Variants in PARD3 observed in about 807,000 individuals in gnomAD.
PARD3 encodes the protein partitioning defective 3 homolog.
Under a neutral mutation model 155.4 loss-of-function variants are expected in PARD3, and 75 were observed. The observed-to-expected ratio is 0.48, with a 90% CI of 0.40 to 0.58. PARD3 has a LOEUF of 0.58. Ranked by LOEUF, PARD3 falls within the 20% of genes least tolerant of loss-of-function variation. PARD3 has a pLI of 0.00. For synonymous variants in PARD3, 576 were observed against 610.5 expected, an observed-to-expected ratio of 0.94 and a Z score of 0.83; for missense variants, 1,642 against 1,721.7, an observed-to-expected ratio of 0.95 and a Z score of 0.82.
chr10:34,352,730 C>A (rs1838257839), intron 14 of PARD3, among the ~76,000 whole-genome samples: 1 of 152,214 alleles, frequency 6.6e-6, no homozygotes, highest in African/African-American at 2.4e-5. Context: ...CTTGGCCTCC[C>A]AAAGTGCCGA....
At chr10:34,416,005 C>G (rs1310953169) in intron 5 of PARD3, among the ~76,000 whole-genome samples, 1 of 152,202 alleles carries the variant, frequency 6.6e-6, no homozygotes, top group African/African-American at 2.4e-5. Context: ...GCACTATACA[C>G]ACGCTGTTCC....
At chr10:34,229,846 C>A (rs1315667716) in intron 22 of PARD3, among the ~76,000 whole-genome samples, 1 of 152,044 alleles carries the variant, frequency 6.6e-6, no homozygotes, top group Non-Finnish European at 1.5e-5. Flanking sequence ...GCTGATGCAA[C>A]AAAGAAACAT....
chr10:34,281,893 T>C (rs1464845825), intron 21 of PARD3, among the ~76,000 whole-genome samples: 1 of 152,114 alleles, frequency 6.6e-6, no homozygotes, highest in African/African-American at 2.4e-5. Flanking sequence ...CAGTGGTAAA[T>C]AATATCCCGA....
At chr10:34,671,764 T>G (rs533378699) in intron 2 of PARD3, among the ~76,000 whole-genome samples, 4 of 152,206 alleles carry the variant, frequency 2.6e-5, no homozygotes, top group African/African-American at 9.6e-5. Context: ...GCATTAACTG[T>G]ACAATCTGTA....
chr10:34,693,140 C>T (rs181647842), intron 2 of PARD3, among the ~76,000 whole-genome samples: 3 of 152,266 alleles, frequency 2.0e-5, no homozygotes, highest in East Asian at 1.9e-4. Context: ...AATGTTTATA[C>T]GCTGCTGGTG....
intron 1 of PARD3, among the ~76,000 whole-genome samples, chr10:34,783,604 C>CAAAA (rs35411933): frequency 2.2e-3 from 166 of 76,202 alleles, no homozygotes; most frequent in East Asian, 5.2e-3. Flanking sequence ...ACTCCGTCTT[C>CAAAA]AAAAAAAAAA....
chr10:34,293,832 T>C (rs1172838535), intron 20 of PARD3, among the ~76,000 whole-genome samples: 3 of 152,136 alleles, frequency 2.0e-5, no homozygotes, highest in South Asian at 4.1e-4. Flanking sequence ...ATTTGAACAT[T>C]TCTATTAAGC....
chr10:34,167,534 A>C (rs1278632724), intron 22 of PARD3, among the ~76,000 whole-genome samples: 2 of 152,038 alleles, frequency 1.3e-5, no homozygotes, highest in Non-Finnish European at 2.9e-5. Flanking sequence ...AAGCCCCCAA[A>C]ACCCTCAAGT....
chr10:34,370,042 T>C (rs1840421842), intron 12 of PARD3, among the ~76,000 whole-genome samples: 1 of 152,200 alleles, frequency 6.6e-6, no homozygotes, highest in Non-Finnish European at 1.5e-5. Context: ...TCTTAAATTA[T>C]CATGTTAATA....
intron 22 of PARD3, among the ~76,000 whole-genome samples, chr10:34,169,000 T>C (rs1347017980): frequency 6.6e-6 from 1 of 152,228 alleles, no homozygotes; most frequent in Non-Finnish European, 1.5e-5. Context: ...GAGTACAGAA[T>C]CTTCTCTGCT....
At chr10:34,594,212 C>T (rs757742505) in intron 2 of PARD3, among the ~76,000 whole-genome samples, 26 of 152,150 alleles carry the variant, frequency 1.7e-4, no homozygotes, top group Non-Finnish European at 3.2e-4. Context: ...ACTTTCTGTT[C>T]AACCTAAGCA....
chr10:34,149,101 T>C lies in PARD3; in HGVS notation c.3420-17518A>G, dbSNP rs376319253. 5.3e-3 allele frequency among the ~76,000 whole-genome samples: 810 copies of C among 152,240 alleles called. 7 individuals carry two copies. The highest frequency in any genetic ancestry group is 0.019 in the African/African-American group (774 of 41,570). The stretch of plus-strand genomic sequence containing the variant: ...ATTCTGAAAAGCTGAATCTTATAAT[T>C]GATTAAAAATGGTGATGGTATGTAT... On this transcript the variant is annotated intron_variant, in intron 22 of 24. Transcript: ENST00000374788.
rs115979094 is a variant in PARD3, at chr10:34,294,271, C to T, written c.3066-10026G>A. ...TTAAATATGCATTGTGATTCAAATT[C>T]TATGTTTCAACTACTGACAGGAAGT... is the stretch of plus-strand genomic sequence containing the variant. On this transcript the variant is annotated intron_variant, in intron 20 of 24. Transcript: ENST00000374788. 5.3e-3 allele frequency among the ~76,000 whole-genome samples: 814 copies of T among 152,318 alleles called. 5 individuals are homozygous for T. Among genetic ancestry groups the T allele is most frequent in the African/African-American group, 0.018 (769 of 41,580 alleles).
intron 4 of PARD3, 99 bp from the exon 5 acceptor site, chr10:34,450,547 A>T (rs2077000577): frequency 8.9e-7 from 1 of 1,126,990 alleles, no homozygotes; most frequent in Non-Finnish European, 1.3e-6. Flanking sequence ...ATGATTCTAC[A>T]TATTTAAAAC....
At chr10:34,177,595 T>A (rs1950090495) in intron 22 of PARD3, among the ~76,000 whole-genome samples, 1 of 152,214 alleles carries the variant, frequency 6.6e-6, no homozygotes, top group Admixed American at 6.5e-5. Flanking sequence ...GTCTGACCTT[T>A]CCTTGATATC....
Position 34,110,937 on chromosome 10 carries a change from A to T in PARD3, c.*232T>A. The T allele has an allele frequency of 4.4e-6, 2 of 449,828 alleles. No homozygotes were observed. Among genetic ancestry groups the T allele is most frequent in the Non-Finnish European group, 7.8e-6 (2 of 256,204 alleles). 27.9% of individuals were successfully genotyped at this position (449,828 alleles called of 1,614,324 possible). On this transcript the variant is annotated 3_prime_UTR_variant, in exon 25 of 25. Transcript: ENST00000374788. ...GAGGCGCAGAGCATATGAACACCTC[A>T]AACAGATGATTGTCACAGGGTGGGA...
In PARD3 at chr10:34,321,862, T is replaced by C. The variant is rs545079756; in HGVS notation, c.2834-4524A>G. On this transcript the variant is annotated intron_variant, in intron 19 of 24. Coordinates refer to ENST00000374788, the MANE Select transcript of PARD3 (RefSeq NM_001184785.2). ...TTTGGGTTTTCATTGAAGTGCAAAG[T>C]TCTGCAGCTACTGCCATAAATAATC... is the stretch of plus-strand genomic sequence containing the variant. Among the ~76,000 whole-genome samples, 16 of 152,320 alleles carry C rather than the reference T, an allele frequency of 1.1e-4. No homozygotes were observed. The South Asian group carries it at 1.2e-3, about 12-fold the overall frequency.
intron 2 of PARD3, among the ~76,000 whole-genome samples, chr10:34,651,428 C>G (rs2093011447): frequency 6.6e-6 from 1 of 152,180 alleles, no homozygotes; most frequent in Admixed American, 6.5e-5. Context: ...GGATTTACAC[C>G]AGGAATTGGT....
chr10:34,170,463 A>G (rs530733221), intron 22 of PARD3, among the ~76,000 whole-genome samples: 1 of 152,324 alleles, frequency 6.6e-6, no homozygotes, highest in East Asian at 1.9e-4. Context: ...GGTGGTAGAC[A>G]CAGAGATGCA....
Sources: allele counts gnomAD v4.1 joint callset (sites outside exome capture counted in the v4.1 genomes callset), GRCh38; gene constraint gnomAD v4.1.1; transcripts MANE v1.5; gene names NCBI Gene and HGNC (gene_info 2026-07-23, HGNC 2026-07-21).